Variants in SREK1IP1 observed in about 807,000 individuals in gnomAD.
SREK1IP1 encodes the protein protein SREK1IP1.
SREK1IP1 carries 12 observed loss-of-function variants against 22.8 expected under a neutral mutation model. The observed-to-expected ratio is 0.53, with a 90% CI of 0.34 to 0.85. The LOEUF (loss-of-function observed/expected upper bound fraction) is 0.85, where lower values mean the gene tolerates loss of function less well. Among genes scored for constraint, SREK1IP1 ranks in the 40% least tolerant of loss-of-function variants. The probability of loss-of-function intolerance (pLI) is 0.02; values close to 1 mark genes in which losing one functional copy is unlikely to be tolerated. For synonymous variants in SREK1IP1, 53 were observed against 52.7 expected, an observed-to-expected ratio of 1.01 and a Z score of -0.02; for missense variants, 147 against 171.8, an observed-to-expected ratio of 0.86 and a Z score of 0.81.
At chr5:64,744,627 A>G (rs746319511) in intron 2 of SREK1IP1, among the ~76,000 whole-genome samples, 1 of 152,168 alleles carries the variant, frequency 6.6e-6, no homozygotes, top group East Asian at 1.9e-4. Context: ...ATGTTCAATC[A>G]AATATGTGTT....
At chr5:64,728,205 A>C in intron 3 of SREK1IP1, 26 bp from the exon 4 acceptor site, 1 of 1,364,194 alleles carries the variant, frequency 7.3e-7, no homozygotes, top group Non-Finnish European at 9.5e-7. Context: ...GAGAAGAAAA[A>C]AATCTGGTTA....
chr5:64,727,899 G>T, intron 4 of SREK1IP1: 1 of 366,910 alleles, frequency 2.7e-6, no homozygotes, highest in Non-Finnish European at 4.1e-6. Flanking sequence ...ATTAGCCATG[G>T]TAATATTACA....
intron 1 of SREK1IP1, among the ~76,000 whole-genome samples, chr5:64,767,756 G>A (rs1743071174): frequency 6.6e-6 from 1 of 152,072 alleles, no homozygotes; most frequent in South Asian, 2.1e-4. Flanking sequence ...AGGTGGGGTG[G>A]AGAAGTGTGT....
At chr5:64,737,507 CAAAAAAAA>C (rs34983078) in intron 3 of SREK1IP1, among the ~76,000 whole-genome samples, 1 of 95,086 alleles carries the variant, frequency 1.1e-5, no homozygotes, top group Non-Finnish European at 2.4e-5. Context: ...TTCATACTGT[CAAAAAAAA>C]AAAAAAAAGA....
At chr5:64,729,958 A>G (rs1040139296) in intron 3 of SREK1IP1, among the ~76,000 whole-genome samples, 4 of 152,232 alleles carry the variant, frequency 2.6e-5, no homozygotes, top group Non-Finnish European at 5.9e-5. Flanking sequence ...CTGGACACAC[A>G]CACTGATCAG....
In SREK1IP1 at chr5:64,719,357, A is replaced by G. The variant is rs1580531744; in HGVS notation, c.*5027T>C. 6.6e-6 allele frequency: 1 copy of G among 152,206 alleles called. No homozygotes were observed. Among genetic ancestry groups the G allele is most frequent in the Non-Finnish European group, 1.5e-5 (1 of 68,028 alleles). 9.4% of individuals were successfully genotyped at this position (152,206 alleles called of 1,614,324 possible). A position where few individuals can be genotyped will look rare whatever the true frequency, so the allele number is the denominator to read the frequency against. On this transcript the variant is annotated 3_prime_UTR_variant, in exon 5 of 5. Coordinates refer to ENST00000513458, the MANE Select transcript of SREK1IP1 (RefSeq NM_173829.4). ...TTTAAATACTAAAATTGCTTAAAGT[A>G]TATGTTAAGTTTGAAAATTAAGACA...
rs538827425 is a variant in SREK1IP1 at position 64,744,356 on chromosome 5, C to A, written c.62-3156G>T. Among the ~76,000 whole-genome samples the A allele has an allele frequency of 2.6e-5, 4 of 152,260 alleles. No individual in the cohort carries two copies. The South Asian group carries it at 8.3e-4, about 32-fold the overall frequency. On this transcript the variant is annotated intron_variant, in intron 2 of 4. Transcript: ENST00000513458. ...CTTCCAAGTATATTTTCCTTTCTTT[C>A]GTTCCTGCTTTAAAGCTTTTTAATA...
At position 64,728,113 on chromosome 5, in the gene SREK1IP1, C is replaced by A; in HGVS notation, c.272G>T (p.Arg91Met). The A allele has an allele frequency of 8.2e-7, 1 of 1,221,834 alleles. No homozygotes were observed. Among genetic ancestry groups the A allele is most frequent in the Non-Finnish European group, 1.1e-6 (1 of 937,718 alleles). 75.7% of individuals were successfully genotyped at this position (1,221,834 alleles called of 1,614,324 possible). Residue 91 changes from arginine to methionine, a missense_variant, in exon 4 of 5, where the codon AGG (arginine) becomes ATG (methionine). By Grantham distance (91) the Arg-to-Met change is moderately conservative (BLOSUM62 -1). This residue lies in a region of SREK1IP1 where 82 missense variants were observed against 81.7 expected (regional missense o/e 1.00). Transcript: ENST00000513458. ...SKEKIKLKKK[R>M]KRSYSSSSTE... ...AATGTTGTTCAAAAAATACCTTTTC[C>A]TTTTTTTTTTCAATTTGATTTTTTC...
chr5:64,728,057 C>A, intron 4 of SREK1IP1, 50 bp downstream of exon 4: 1 of 1,250,172 alleles, frequency 8.0e-7, no homozygotes. Flanking sequence ...TATAATCCAT[C>A]CTAAACTCAT....
At chr5:64,756,058 T>C (rs1742835486) in intron 1 of SREK1IP1, among the ~76,000 whole-genome samples, 2 of 152,198 alleles carry the variant, frequency 1.3e-5, no homozygotes, top group Middle Eastern at 3.4e-3. Flanking sequence ...TGATAAATAT[T>C]TACAAATACA....
chr5:64,726,119 C>T (rs1339223358), intron 4 of SREK1IP1, among the ~76,000 whole-genome samples: 5 of 151,820 alleles, frequency 3.3e-5, no homozygotes, highest in African/African-American at 4.8e-5. Flanking sequence ...GATCGACCCA[C>T]CTTAGCCTCC....
chr5:64,740,536 G>T (rs1430364494), intron 3 of SREK1IP1, among the ~76,000 whole-genome samples: 2 of 152,124 alleles, frequency 1.3e-5, no homozygotes, highest in African/African-American at 4.8e-5. Flanking sequence ...AATACCTGGG[G>T]AGCTGTATTG....
intron 4 of SREK1IP1, among the ~76,000 whole-genome samples, chr5:64,725,276 A>G (rs947862602): frequency 2.0e-5 from 3 of 152,192 alleles, no homozygotes; most frequent in African/African-American, 4.8e-5. Flanking sequence ...TATTCATAAA[A>G]AAAAGGAAAA....
intron 1 of SREK1IP1, among the ~76,000 whole-genome samples, chr5:64,758,881 T>G (rs1484450222): frequency 1.3e-5 from 2 of 152,202 alleles, no homozygotes; most frequent in African/African-American, 2.4e-5. Flanking sequence ...AATAAAGTAC[T>G]TTACATCAGC....
chr5:64,740,281 C>T (rs143062327), intron 3 of SREK1IP1, among the ~76,000 whole-genome samples: 1 of 152,070 alleles, frequency 6.6e-6, no homozygotes, highest in Admixed American at 6.5e-5. Context: ...TAAATGATAT[C>T]TGTTAGCCAT....
At chr5:64,739,398 T>C (rs1000368235) in intron 3 of SREK1IP1, among the ~76,000 whole-genome samples, 8 of 152,110 alleles carry the variant, frequency 5.3e-5, no homozygotes, top group African/African-American at 1.2e-4. Flanking sequence ...TCTGACTTCA[T>C]AGGGGAAGGG....
At chr5:64,746,635 T>A (rs917715994) in intron 2 of SREK1IP1, among the ~76,000 whole-genome samples, 1 of 152,150 alleles carries the variant, frequency 6.6e-6, no homozygotes, top group African/African-American at 2.4e-5. Flanking sequence ...CACAATGAGG[T>A]ACCACTTCAT....
intron 3 of SREK1IP1, among the ~76,000 whole-genome samples, chr5:64,732,049 A>G (rs1191970256): frequency 6.6e-6 from 1 of 152,212 alleles, no homozygotes; most frequent in Non-Finnish European, 1.5e-5. Context: ...AAATTGTACA[A>G]ATCAGTGCTA....
At chr5:64,730,574 G>C in intron 3 of SREK1IP1, among the ~76,000 whole-genome samples, 1 of 151,070 alleles carries the variant, frequency 6.6e-6, no homozygotes, top group East Asian at 1.9e-4. Flanking sequence ...TTTAACTGAA[G>C]GAAAGAAAAG....
Sources: gnomAD v4.1 joint callset for allele counts (sites outside exome capture counted in the v4.1 genomes callset) on GRCh38, gnomAD v4.1.1 for gene constraint, gnomAD v4.1.1 regional missense constraint, MANE v1.5 for transcripts, NCBI Gene and HGNC (gene_info 2026-07-23, HGNC 2026-07-21) for gene names.